The following DAB1 variants were observed in gnomAD, a reference collection of about 807,000 sequenced individuals.
DAB1 encodes disabled homolog 1.
DAB1 carries 15 observed loss-of-function variants against 64.6 expected under a neutral mutation model. The ratio of observed to expected loss-of-function variants is 0.23; its 90% CI spans 0.16 to 0.36. DAB1 has a LOEUF of 0.36. Among genes scored for constraint, DAB1 ranks in the 10% least tolerant of loss-of-function variants. DAB1 has a pLI of 1.00. For synonymous variants in DAB1, 235 were observed against 251.9 expected (o/e 0.93, Z 0.64); for missense variants, 596 against 706.7 (o/e 0.84, Z 1.78).
At chr1:57,524,400 T>C (rs1570595746) in intron 7 of DAB1, among the ~76,000 whole-genome samples, 2 of 152,328 alleles carry the variant, frequency 1.3e-5, no homozygotes, top group African/African-American at 4.8e-5. Flanking sequence ...AAAACTTTCA[T>C]GCACGTCCAT....
At chr1:58,445,762 T>G (rs931103652) in intron 3 of DAB1, among the ~76,000 whole-genome samples, 3 of 152,100 alleles carry the variant, frequency 2.0e-5, no homozygotes, top group Non-Finnish European at 2.9e-5. Context: ...GCGTGTGATA[T>G]CTGGTAAAGG....
chr1:57,809,856 C>T (rs2101883016), intron 6 of DAB1, among the ~76,000 whole-genome samples: 1 of 152,288 alleles, frequency 6.6e-6, no homozygotes. Context: ...ATCCGTGTTT[C>T]CTACTGTGCC....
intron 3 of DAB1, among the ~76,000 whole-genome samples, chr1:58,396,989 C>A (rs149825658): frequency 6.6e-6 from 1 of 151,328 alleles, no homozygotes; most frequent in African/African-American, 2.4e-5. Context: ...GGCGTGAACC[C>A]GGGAGGCGGA....
chr1:58,106,896 C>G (rs113887544), intron 5 of DAB1, among the ~76,000 whole-genome samples: 35,319 of 140,920 alleles, frequency 0.25, 4,980 homozygotes, highest in East Asian at 0.51. Flanking sequence ...TTCCCTTCCT[C>G]TCTCCCTCCT....
At chr1:58,349,937 T>C (rs1051088006) in intron 3 of DAB1, among the ~76,000 whole-genome samples, 1 of 152,166 alleles carries the variant, frequency 6.6e-6, no homozygotes, top group East Asian at 1.9e-4. Context: ...TATGTCTTTA[T>C]AGTAGAATGA....
chr1:57,185,249 C>T (rs1663415522), intron 2 of DAB1, among the ~76,000 whole-genome samples: 1 of 152,140 alleles, frequency 6.6e-6, no homozygotes, highest in Non-Finnish European at 1.5e-5. Context: ...TTTGTTATTC[C>T]ATAGTACCCT....
chr1:57,860,032 T>C (rs1332973474), intron 1 of DAB1, among the ~76,000 whole-genome samples: 1 of 152,190 alleles, frequency 6.6e-6, no homozygotes, highest in Non-Finnish European at 1.5e-5. Flanking sequence ...CACTTATTAT[T>C]GTCCCCATGG....
chr1:58,072,085 T>TGC (rs1557637599), intron 5 of DAB1, among the ~76,000 whole-genome samples: 1 of 82,200 alleles, frequency 1.2e-5, no homozygotes, highest in Non-Finnish European at 2.3e-5. Context: ...ATTGGTGGGG[T>TGC]GGGGGGGGGT....
In DAB1 at chr1:57,372,790, C is replaced by T. The variant is rs150049303; in HGVS notation, c.-137+51140G>A. Among the ~76,000 whole-genome samples the T allele has an allele frequency of 5.3e-4, 80 of 152,210 alleles. 1 individual carries two copies. In the East Asian group the frequency reaches 0.014, roughly 26 times the overall value. Reference sequence around the variant, plus strand: ...CTCAAGAACTCTTTCTGTTTATACACATGGCCTTTAAGATGAATATATGAT... The same window carrying T: ...CTCAAGAACTCTTTCTGTTTATACATATGGCCTTTAAGATGAATATATGAT... On this transcript the variant is annotated intron_variant, in intron 1 of 14. Coordinates refer to ENST00000371236, the MANE Select transcript of DAB1 (RefSeq NM_001365792.1).
intron 5 of DAB1, among the ~76,000 whole-genome samples, chr1:58,063,152 G>C (rs1648612022): frequency 6.6e-6 from 1 of 152,130 alleles, no homozygotes; most frequent in South Asian, 2.1e-4. Flanking sequence ...CAAAAGGCTT[G>C]TTTTAGGGAT....
At chr1:58,009,336 C>G (rs1366288258) in intron 5 of DAB1, among the ~76,000 whole-genome samples, 6 of 152,128 alleles carry the variant, frequency 3.9e-5, no homozygotes, top group Admixed American at 3.9e-4. Flanking sequence ...TGGAACCCAT[C>G]AGAAGTGTCC....
chr1:57,299,821 T>TA (rs1389992828), intron 1 of DAB1, among the ~76,000 whole-genome samples: 1 of 152,230 alleles, frequency 6.6e-6, no homozygotes, highest in Non-Finnish European at 1.5e-5. Flanking sequence ...TTTAGACCTT[T>TA]AAGCTCTTTC....
chr1:57,011,376 G>A (rs1366352508), intron 12 of DAB1, 104 bp from the exon 13 acceptor site: 3 of 1,324,930 alleles, frequency 2.3e-6, no homozygotes, highest in Non-Finnish European at 3.1e-6. Context: ...CAAATCTTAG[G>A]ATTCCTCTTC....
chr1:58,460,560 T>G (rs574507607), intron 3 of DAB1, among the ~76,000 whole-genome samples: 2 of 152,312 alleles, frequency 1.3e-5, no homozygotes, highest in African/African-American at 4.8e-5. Flanking sequence ...AAGAAATGAA[T>G]AGTTACTGAA....
At chr1:57,863,460 G>A (rs966232741) in intron 1 of DAB1, among the ~76,000 whole-genome samples, 6 of 152,142 alleles carry the variant, frequency 3.9e-5, no homozygotes, top group Admixed American at 3.9e-4. Flanking sequence ...GAACTTAAAA[G>A]TCTTGGTGGA....
At chr1:57,221,315 G>A (rs113603284) in intron 2 of DAB1, among the ~76,000 whole-genome samples, 11,965 of 152,034 alleles carry the variant, frequency 0.079, 947 homozygotes, top group African/African-American at 0.21. Context: ...GTTAATGGGT[G>A]CAGCACACCA....
intron 6 of DAB1, among the ~76,000 whole-genome samples, chr1:57,737,596 T>C (rs1463860176): frequency 6.6e-6 from 1 of 152,190 alleles, no homozygotes; most frequent in East Asian, 1.9e-4. Context: ...CGTATTATTC[T>C]TCATGGGATA....
chr1:57,337,984 C>T (rs1189454272), intron 1 of DAB1, among the ~76,000 whole-genome samples: 11 of 150,238 alleles, frequency 7.3e-5, no homozygotes, highest in African/African-American at 2.2e-4. Context: ...TCCTCCTCCT[C>T]CTTCTTCTTC....
At chr1:57,583,602 A>G (rs1173700441) in intron 7 of DAB1, among the ~76,000 whole-genome samples, 2 of 152,082 alleles carry the variant, frequency 1.3e-5, no homozygotes, top group Non-Finnish European at 2.9e-5. Context: ...CTCTTACATT[A>G]AATGATGGGA....
Sources: allele counts gnomAD v4.1 joint callset (sites outside exome capture counted in the v4.1 genomes callset), GRCh38; gene constraint gnomAD v4.1.1; transcripts MANE v1.5; gene names NCBI Gene and HGNC (gene_info 2026-07-23, HGNC 2026-07-21).